POFUT3: variants seen among roughly 807,000 people sequenced by gnomAD.
POFUT3 encodes GDP-fucose protein O-fucosyltransferase 3.
the POFUT3 span, among the ~76,000 whole-genome samples, chr8:33,343,459 T>C: frequency 6.6e-6 from 1 of 152,226 alleles, no homozygotes. Context: ...AAGCTTAATA[T>C]TGGCCAATCC....
chr8:33,355,328 A>G, the POFUT3 span, among the ~76,000 whole-genome samples: 2 of 152,332 alleles, frequency 1.3e-5, no homozygotes, highest in Admixed American at 6.5e-5. Flanking sequence ...ATTAAAGGTT[A>G]TAAGAGTACA....
At chr8:33,351,513 C>T in the POFUT3 span, among the ~76,000 whole-genome samples, 2 of 152,104 alleles carry the variant, frequency 1.3e-5, no homozygotes, top group Non-Finnish European at 2.9e-5. Flanking sequence ...AAGAGCCCTG[C>T]ACCTCCTGCC....
the POFUT3 span, among the ~76,000 whole-genome samples, chr8:33,368,336 C>T: frequency 4.6e-5 from 7 of 152,254 alleles, no homozygotes; most frequent in Admixed American, 3.3e-4. Context: ...TATCCCTTGC[C>T]GATCTCCTTA....
chr8:33,389,103 C>T, the POFUT3 span: 8 of 1,614,228 alleles, frequency 5.0e-6, no homozygotes, highest in South Asian at 8.8e-5. Context: ...TTAGAGATCT[C>T]ACCCTTCAGC....
At chr8:33,338,876 C>T in the POFUT3 span, 1 of 152,060 alleles carries the variant, frequency 6.6e-6, no homozygotes, top group East Asian at 1.9e-4. Flanking sequence ...CTTGCTTCAA[C>T]AACACAAATA....
the POFUT3 span, among the ~76,000 whole-genome samples, chr8:33,445,331 T>C: frequency 3.9e-5 from 6 of 152,200 alleles, no homozygotes; most frequent in Non-Finnish European, 8.8e-5. Flanking sequence ...TCTGGCACAC[T>C]ATAAATGACA....
At chr8:33,422,881 G>A in the POFUT3 span, among the ~76,000 whole-genome samples, 2 of 151,812 alleles carry the variant, frequency 1.3e-5, no homozygotes, top group Non-Finnish European at 2.9e-5. Context: ...GCACGATCTC[G>A]GCTCACTTCA....
At chr8:33,369,954 A>G in the POFUT3 span, among the ~76,000 whole-genome samples, 5 of 152,096 alleles carry the variant, frequency 3.3e-5, no homozygotes, top group Non-Finnish European at 7.4e-5. Context: ...TTTTAGGCGA[A>G]GACTATTAAC....
chr8:33,357,480 C>G, the POFUT3 span, among the ~76,000 whole-genome samples: 1 of 150,984 alleles, frequency 6.6e-6, no homozygotes, highest in Non-Finnish European at 1.5e-5. Flanking sequence ...TCTCTACCAC[C>G]ATTATCCTCT....
chr8:33,384,654 T>C, the POFUT3 span, among the ~76,000 whole-genome samples: 1 of 151,990 alleles, frequency 6.6e-6, no homozygotes, highest in South Asian at 2.1e-4. Flanking sequence ...ACCCCGTCTC[T>C]ACTAAAAATA....
chr8:33,419,756 A>G, the POFUT3 span, among the ~76,000 whole-genome samples: 1 of 152,250 alleles, frequency 6.6e-6, no homozygotes, highest in African/African-American at 2.4e-5. Flanking sequence ...TTCTGGGGGA[A>G]AAATAAAGTT....
chr8:33,372,516 G>A, the POFUT3 span: 1 of 1,547,406 alleles, frequency 6.5e-7, no homozygotes, highest in Non-Finnish European at 8.7e-7. Flanking sequence ...AAATATTAAG[G>A]CAACCTAGAA....
the POFUT3 span, among the ~76,000 whole-genome samples, chr8:33,335,861 T>C: frequency 2.6e-5 from 4 of 152,178 alleles, no homozygotes; most frequent in African/African-American, 4.8e-5. Flanking sequence ...CTCATGATCT[T>C]CATGCTGAAC....
the POFUT3 span, among the ~76,000 whole-genome samples, chr8:33,319,382 G>GT: frequency 1.5e-4 from 1 of 6,690 alleles, no homozygotes; most frequent in African/African-American, 2.7e-4. Flanking sequence ...ATATATTATA[G>GT]AAATATATTT....
the POFUT3 span, among the ~76,000 whole-genome samples, chr8:33,348,478 A>C: frequency 1.3e-5 from 2 of 152,226 alleles, no homozygotes; most frequent in Admixed American, 1.3e-4. Context: ...GCACACATGA[A>C]AGTGTATATG....
At chr8:33,433,611 C>CA in the POFUT3 span, among the ~76,000 whole-genome samples, 94,741 of 140,308 alleles carry the variant, frequency 0.68, 31,827 homozygotes, top group African/African-American at 0.78. Flanking sequence ...GACTTCGTCT[C>CA]AAAAAAAAAA....
chr8:33,401,653 A>G, the POFUT3 span, among the ~76,000 whole-genome samples: 2 of 152,198 alleles, frequency 1.3e-5, no homozygotes, highest in Non-Finnish European at 2.9e-5. Context: ...GAATGATCAC[A>G]TGGTATTATT....
At chr8:33,468,234 T>C in the POFUT3 span, among the ~76,000 whole-genome samples, 40 of 93,748 alleles carry the variant, frequency 4.3e-4, no homozygotes, top group Non-Finnish European at 7.5e-4. Context: ...AATGAAACTG[T>C]GTCTCAAAAA....
At chr8:33,326,083 G>T in the POFUT3 span, among the ~76,000 whole-genome samples, 1 of 152,160 alleles carries the variant, frequency 6.6e-6, no homozygotes, top group Non-Finnish European at 1.5e-5. Flanking sequence ...GGCCTATGAA[G>T]AACTGGGATG....
Sources: gnomAD v4.1 joint callset for allele counts (sites outside exome capture counted in the v4.1 genomes callset) on GRCh38, gnomAD v4.1.1 for gene constraint, MANE v1.5 for transcripts, NCBI Gene and HGNC (gene_info 2026-07-23, HGNC 2026-07-21) for gene names.